The following EPB41 variants were observed in gnomAD, a reference collection of about 807,000 sequenced individuals.
EPB41 encodes protein 4.1.
EPB41 carries 65 observed loss-of-function variants against 108.0 expected under a neutral mutation model. That is an observed-to-expected ratio of 0.60 (90% CI 0.49 to 0.74). The LOEUF (loss-of-function observed/expected upper bound fraction) is 0.74, where lower values mean the gene tolerates loss of function less well. Ranked by LOEUF, EPB41 falls within the 30% of genes least tolerant of loss-of-function variation. The probability of loss-of-function intolerance (pLI) is 0.00; values close to 1 mark genes in which losing one functional copy is unlikely to be tolerated. For synonymous variants in EPB41, 336 were observed against 358.9 expected (o/e 0.94, Z 0.72); for missense variants, 875 against 1,037.0 (o/e 0.84, Z 2.15).
At chr1:28,982,396 G>A (rs879121504) in intron 1 of EPB41, 3 of 730,726 alleles carry the variant, frequency 4.1e-6, no homozygotes, top group African/African-American at 1.7e-5. Context: ...ACAAACTTTC[G>A]CAAAAGACTT....
chr1:29,020,814 T>C (rs1373598113), intron 7 of EPB41, among the ~76,000 whole-genome samples: 2 of 152,140 alleles, frequency 1.3e-5, no homozygotes, highest in African/African-American at 2.4e-5. Context: ...TGTGCTACCA[T>C]GCCCAGCTAA....
chr1:28,938,459 A>T lies in EPB41; in HGVS notation c.-8+23691A>T, dbSNP rs1423227041. On this transcript the variant is annotated intron_variant, in intron 1 of 20. Coordinates refer to ENST00000343067, the MANE Select transcript of EPB41 (RefSeq NM_001376013.1). ...ATTCCCAAGTATTTCATTATTTTGC[A>T]TGCTAAATGGAATTTTTTAAGTTAT... Among the ~76,000 whole-genome samples the T allele has an allele frequency of 2.6e-4, 40 of 151,794 alleles. 1 individual carries two copies. Among genetic ancestry groups the T allele is most frequent in the Non-Finnish European group, 1.3e-4 (9 of 67,960 alleles).
At chr1:28,894,515 A>G (rs1204094861) in intron 1 of EPB41, among the ~76,000 whole-genome samples, 1 of 152,178 alleles carries the variant, frequency 6.6e-6, no homozygotes, top group Non-Finnish European at 1.5e-5. Context: ...AGTACCAAGC[A>G]TGTATCAATC....
At chr1:29,096,623 A>T in intron 16 of EPB41, 1 of 979,348 alleles carries the variant, frequency 1.0e-6, no homozygotes. Flanking sequence ...TTATTCAATG[A>T]TGCAGGTCTA....
At chr1:28,968,354 AAAACAAACAAAC>A (rs373567645) in intron 1 of EPB41, among the ~76,000 whole-genome samples, 1 of 151,996 alleles carries the variant, frequency 6.6e-6, no homozygotes, top group Non-Finnish European at 1.5e-5. Flanking sequence ...ACTCCATCTC[AAAACAAACAAAC>A]AAACAAACAA....
intron 1 of EPB41, 93 bp from the exon 2 acceptor site, chr1:28,987,338 C>T: frequency 9.5e-7 from 1 of 1,051,184 alleles, no homozygotes; most frequent in Non-Finnish European, 1.5e-6. Flanking sequence ...CAATTAAATA[C>T]CTAAGTATAT....
chr1:28,951,711 A>G (rs1239181673), intron 1 of EPB41, among the ~76,000 whole-genome samples: 3 of 151,984 alleles, frequency 2.0e-5, no homozygotes, highest in Non-Finnish European at 2.9e-5. Context: ...AAAACTAGCC[A>G]GGTATGGTAG....
intron 1 of EPB41, among the ~76,000 whole-genome samples, chr1:28,987,062 T>C (rs1431372641): frequency 2.0e-5 from 3 of 152,194 alleles, no homozygotes; most frequent in East Asian, 3.8e-4. Context: ...CACCTTCAGA[T>C]TGATACCCTC....
intron 1 of EPB41, among the ~76,000 whole-genome samples, chr1:28,969,504 G>T (rs899993400): frequency 6.6e-6 from 1 of 151,588 alleles, no homozygotes; most frequent in Non-Finnish European, 1.5e-5. Context: ...AGTGGCTCAC[G>T]CCTGTAATCC....
chr1:29,071,363 C>T (rs1651322006), intron 16 of EPB41: 1 of 152,188 alleles, frequency 6.6e-6, no homozygotes, highest in Non-Finnish European at 1.5e-5. Context: ...GACTGAAATT[C>T]TCAGACTACT....
At chr1:29,088,037 C>CTTTTT (rs1456996173) in intron 16 of EPB41, among the ~76,000 whole-genome samples, 1 of 139,834 alleles carries the variant, frequency 7.2e-6, no homozygotes, top group Non-Finnish European at 1.5e-5. Flanking sequence ...TTTCCTTTTT[C>CTTTTT]TTTTTTTCTT....
intron 1 of EPB41, among the ~76,000 whole-genome samples, chr1:28,891,354 G>T (rs1484537227): frequency 4.6e-5 from 7 of 152,228 alleles, no homozygotes; most frequent in Admixed American, 4.6e-4. Context: ...AGCTATTTCA[G>T]AGGAAGAGAC....
At chr1:28,964,301 G>T (rs978466007) in intron 1 of EPB41, among the ~76,000 whole-genome samples, 4 of 152,168 alleles carry the variant, frequency 2.6e-5, no homozygotes, top group Non-Finnish European at 2.9e-5. Flanking sequence ...AAAATTAGCT[G>T]GATGTGGTGG....
chr1:29,103,390 C>T (rs1006297859), intron 17 of EPB41, among the ~76,000 whole-genome samples: 3 of 152,162 alleles, frequency 2.0e-5, no homozygotes, highest in Non-Finnish European at 2.9e-5. Flanking sequence ...TGACAGAGCC[C>T]GTGGGCTTTG....
At chr1:29,034,973 GTTTTTT>G (rs10580931) in intron 9 of EPB41, among the ~76,000 whole-genome samples, 1,647 of 87,228 alleles carry the variant, frequency 0.019, 9 homozygotes, top group Middle Eastern at 0.1. Flanking sequence ...TTTGTTTGTT[GTTTTTT>G]TTTTTTTTTT....
Position 29,039,272 on chromosome 1 carries a change from C to A in EPB41, c.1482C>A (p.Thr494=). ...HTFFRLTSTD[T]IPKSKFLALG... The stretch of plus-strand genomic sequence containing the variant: ...CCCCCAGATTGACATCTACAGACAC[C>A]ATTCCCAAAAGCAAATTTCTTGCGC... Residue 494 remains threonine (T), a synonymous_variant, in exon 11 of 21, where the codon ACC becomes ACA. Coordinates refer to ENST00000343067, the MANE Select transcript of EPB41 (RefSeq NM_001376013.1). The A allele has an allele frequency of 6.2e-7, 1 of 1,613,900 alleles. No individual in the cohort carries two copies. The highest frequency in any genetic ancestry group is 1.7e-5 in the Admixed American group (1 of 59,978).
Position 28,887,593 on chromosome 1 carries a change from C to A in EPB41, c.-8+383C>A. On this transcript the variant is annotated intron_variant, in intron 1 of 16. Coordinates refer to the EPB41 transcript ENST00000347529. The surrounding 1 kb of genome is among the most constrained non-coding windows in gnomAD (Gnocchi z 4.9). Reference sequence around the variant, plus strand: ...CGCCCCCTAGCCCCGCCTTGCCCGGCCCCGCATGCTCCTGCCGGGCCCGCA... The same window carrying A: ...CGCCCCCTAGCCCCGCCTTGCCCGGACCCGCATGCTCCTGCCGGGCCCGCA... The A allele has an allele frequency of 1.0e-6, 1 of 985,254 alleles. No individual in the cohort carries two copies. Among genetic ancestry groups the A allele is most frequent in the Non-Finnish European group, 1.2e-6 (1 of 829,836 alleles). 61.0% of individuals were successfully genotyped at this position (985,254 alleles called of 1,614,324 possible). A position where few individuals can be genotyped will look rare whatever the true frequency, so the allele number is the denominator to read the frequency against.
At chr1:29,112,978 G>A (rs1191001016) in intron 19 of EPB41, among the ~76,000 whole-genome samples, 1 of 152,186 alleles carries the variant, frequency 6.6e-6, no homozygotes, top group East Asian at 1.9e-4. Context: ...TGGTGGACAA[G>A]ACACCAGCAG....
In EPB41 at chr1:29,065,140, A is replaced by G; in HGVS notation, c.2166A>G (p.Gln722=). The G allele has an allele frequency of 6.2e-7, 1 of 1,606,904 alleles. No individual in the cohort carries two copies. The highest frequency in any genetic ancestry group is 2.2e-5 in the East Asian group (1 of 44,772). Residue 722 remains glutamine, a synonymous_variant, in exon 16 of 21, where the codon CAA becomes CAG. Transcript: ENST00000343067. ...SPFRTLNING[Q]IPTGEGPPLV... is the part of the protein sequence containing the mutation. Reference sequence around the variant, plus strand: ...TCCGAACTCTTAACATCAATGGGCAAATCCCCACAGGAGAAGGAGTGAGTA... The same window carrying G: ...TCCGAACTCTTAACATCAATGGGCAGATCCCCACAGGAGAAGGAGTGAGTA...
Sources: allele counts gnomAD v4.1 joint callset (sites outside exome capture counted in the v4.1 genomes callset), GRCh38; gene constraint gnomAD v4.1.1; non-coding constraint Gnocchi (gnomAD v3.1); transcripts MANE v1.5; gene names NCBI Gene and HGNC (gene_info 2026-07-23, HGNC 2026-07-21).